VPS50: variants seen among roughly 807,000 people sequenced by gnomAD.
The protein encoded by VPS50 is VPS50 subunit of EARP/GARPII complex.
Under a neutral mutation model 139.7 loss-of-function variants are expected in VPS50, and 70 were observed. The observed-to-expected ratio is 0.50, with a 90% CI of 0.41 to 0.61. VPS50 has a LOEUF of 0.61. Ranked by LOEUF, VPS50 falls within the 20% of genes least tolerant of loss-of-function variation. The pLI is 0.00. For missense variants in VPS50, 921 were observed against 1,133.7 expected (o/e 0.81, Z 2.69); for synonymous variants, 365 against 376.7 (o/e 0.97, Z 0.36).
intron 18 of VPS50, 73 bp downstream of exon 18, chr7:93,306,077 C>A: frequency 9.0e-7 from 1 of 1,116,244 alleles, no homozygotes; most frequent in Non-Finnish European, 1.3e-6. Context: ...CAAGGCAATT[C>A]ACTACATTTA....
At chr7:93,257,942 A>G (rs1476509586) in intron 6 of VPS50, among the ~76,000 whole-genome samples, 1 of 151,902 alleles carries the variant, frequency 6.6e-6, no homozygotes, top group Non-Finnish European at 1.5e-5. Flanking sequence ...TTTGTTATAG[A>G]CCACTAGCAG....
chr7:93,296,883 CA>C, intron 15 of VPS50, 47 bp downstream of exon 15: 1 of 1,533,538 alleles, frequency 6.5e-7, no homozygotes, highest in Non-Finnish European at 8.7e-7. Context: ...GTCATTCAAC[CA>C]TGATAAATCA....
intron 20 of VPS50, among the ~76,000 whole-genome samples, chr7:93,311,796 A>T (rs1411284043): frequency 6.6e-6 from 1 of 152,154 alleles, no homozygotes; most frequent in East Asian, 1.9e-4. Flanking sequence ...TGAAGAAATG[A>T]TATTTTAAAT....
intron 22 of VPS50, among the ~76,000 whole-genome samples, chr7:93,335,639 A>G (rs1011822918): frequency 1.3e-5 from 2 of 151,840 alleles, no homozygotes; most frequent in Non-Finnish European, 1.5e-5. Context: ...TCTCAGCCCC[A>G]CTTGCAGTTT....
intron 14 of VPS50, among the ~76,000 whole-genome samples, chr7:93,296,088 T>C (rs1388467436): frequency 1.3e-5 from 2 of 152,204 alleles, no homozygotes; most frequent in African/African-American, 4.8e-5. Flanking sequence ...TTTGAAAACA[T>C]AAATTTCTTC....
intron 12 of VPS50, among the ~76,000 whole-genome samples, chr7:93,281,320 G>A (rs1177071959): frequency 6.6e-6 from 1 of 152,094 alleles, no homozygotes. Flanking sequence ...TAAAGTCCCT[G>A]TAGAAAATAA....
At chr7:93,343,610 G>A (rs1798294587) in intron 23 of VPS50, among the ~76,000 whole-genome samples, 2 of 152,288 alleles carry the variant, frequency 1.3e-5, no homozygotes, top group South Asian at 4.2e-4. Flanking sequence ...TCAAAGGGAA[G>A]CCCATCAGAC....
intron 22 of VPS50, among the ~76,000 whole-genome samples, chr7:93,336,118 A>G (rs373037937): frequency 6.6e-6 from 1 of 152,210 alleles, no homozygotes; most frequent in Non-Finnish European, 1.5e-5. Context: ...GGCTACTAAA[A>G]TAATTTATAG....
Position 93,354,727 on chromosome 7 carries a change from T to C in VPS50, c.2585+966T>C, listed in dbSNP as rs564561458. On this transcript the variant is annotated intron_variant, in intron 26 of 27. Coordinates refer to ENST00000305866, the MANE Select transcript of VPS50 (RefSeq NM_017667.4). Reference sequence around the variant, plus strand: ...AGTTATGGATCTATTAATAGTAATTTTCCCACTTACTCAGAGACCATGCTT... The same window carrying C: ...AGTTATGGATCTATTAATAGTAATTCTCCCACTTACTCAGAGACCATGCTT... Among the ~76,000 whole-genome samples, 4 of 152,278 alleles carry C rather than the reference T, an allele frequency of 2.6e-5. No homozygotes were observed. The East Asian group carries it at 7.7e-4, about 29-fold the overall frequency.
intron 9 of VPS50, among the ~76,000 whole-genome samples, chr7:93,265,467 G>C (rs565581787): frequency 6.6e-6 from 1 of 152,202 alleles, no homozygotes; most frequent in Non-Finnish European, 1.5e-5. Context: ...TGTGGGTTCC[G>C]ATCTGTGATC....
chr7:93,235,978 T>C (rs1474539976), intron 1 of VPS50, among the ~76,000 whole-genome samples: 1 of 152,110 alleles, frequency 6.6e-6, no homozygotes, highest in Non-Finnish European at 1.5e-5. Context: ...GGGGAAGTGG[T>C]GGATCTAGGA....
chr7:93,301,444 CTT>C (rs1796972244), intron 16 of VPS50, among the ~76,000 whole-genome samples: 1 of 151,970 alleles, frequency 6.6e-6, no homozygotes, highest in African/African-American at 2.4e-5. Flanking sequence ...CTTCTCTTAC[CTT>C]TTTGGTGTTG....
intron 21 of VPS50, among the ~76,000 whole-genome samples, chr7:93,332,288 T>C (rs117286165): frequency 0.013 from 1,983 of 152,306 alleles, 31 homozygotes; most frequent in South Asian, 0.031. Flanking sequence ...CCTTTGATCA[T>C]GTGGAAGGAG....
chr7:93,279,743 TAGC>T (rs1238967717), intron 12 of VPS50, among the ~76,000 whole-genome samples: 1 of 152,178 alleles, frequency 6.6e-6, no homozygotes, highest in Non-Finnish European at 1.5e-5. Context: ...CTCTGTACAG[TAGC>T]AATGTTTTGA....
intron 21 of VPS50, among the ~76,000 whole-genome samples, chr7:93,333,295 G>A (rs1797987579): frequency 6.6e-6 from 1 of 152,070 alleles, no homozygotes. Flanking sequence ...GAGAGGAAGA[G>A]GAATAATAAA....
chr7:93,357,467 T>C (rs1798739058), intron 27 of VPS50, among the ~76,000 whole-genome samples: 1 of 152,116 alleles, frequency 6.6e-6, no homozygotes, highest in African/African-American at 2.4e-5. Flanking sequence ...TGCTGAGTGG[T>C]TAAATGAGAT....
At chr7:93,244,811 A>G (rs1795101064) in intron 2 of VPS50, among the ~76,000 whole-genome samples, 1 of 151,838 alleles carries the variant, frequency 6.6e-6, no homozygotes, top group Non-Finnish European at 1.5e-5. Flanking sequence ...CTAACTATGG[A>G]TCTGCAAAAT....
intron 1 of VPS50, among the ~76,000 whole-genome samples, chr7:93,239,400 A>G (rs997507669): frequency 6.6e-6 from 1 of 152,158 alleles, no homozygotes; most frequent in African/African-American, 2.4e-5. Flanking sequence ...AATTGGATAC[A>G]TTGGTGGGAA....
At chr7:93,344,897 C>T (rs980768322) in intron 23 of VPS50, among the ~76,000 whole-genome samples, 15 of 151,684 alleles carry the variant, frequency 9.9e-5, no homozygotes, top group Non-Finnish European at 1.9e-4. Flanking sequence ...AAATTGACAC[C>T]CTAACATCAC....
Sources: allele counts gnomAD v4.1 joint callset (sites outside exome capture counted in the v4.1 genomes callset), GRCh38; gene constraint gnomAD v4.1.1; transcripts MANE v1.5; gene names NCBI Gene and HGNC (gene_info 2026-07-23, HGNC 2026-07-21).